DLGAP1: variants seen among roughly 807,000 people sequenced by gnomAD.
The protein encoded by DLGAP1 is DLG associated protein 1.
In DLGAP1, 11 loss-of-function variants were observed where a neutral mutation model predicts 90.8. That is an observed-to-expected ratio of 0.12 (90% CI 0.08 to 0.20). DLGAP1 has a LOEUF of 0.20. Ranked by LOEUF, DLGAP1 falls within the 10% of genes least tolerant of loss-of-function variation. The pLI, the probability that DLGAP1 is intolerant of heterozygous loss-of-function variation, is 1.00. For synonymous variants in DLGAP1, 558 were observed against 540.7 expected (o/e 1.03, Z -0.44); for missense variants, 1,050 against 1,333.8 (o/e 0.79, Z 3.31).
chr18:4,402,078 C>T (rs1302188952), intron 1 of DLGAP1, among the ~76,000 whole-genome samples: 4 of 152,180 alleles, frequency 2.6e-5, no homozygotes, highest in Non-Finnish European at 5.9e-5. Flanking sequence ...TCAGCACTTA[C>T]ACAATCCAAT....
chr18:3,758,863 G>A (rs558303611), intron 5 of DLGAP1, among the ~76,000 whole-genome samples: 205 of 152,170 alleles, frequency 1.3e-3, no homozygotes, highest in Non-Finnish European at 2.6e-3. Context: ...CAAATTTTAC[G>A]TTTTTTGCAA....
chr18:4,376,451 T>C (rs778411746), intron 1 of DLGAP1, among the ~76,000 whole-genome samples: 7 of 152,190 alleles, frequency 4.6e-5, no homozygotes, highest in African/African-American at 7.2e-5. Context: ...TAATGGTTAT[T>C]TGAATTTCAG....
At chr18:3,713,787 C>T (rs942258000) in intron 7 of DLGAP1, among the ~76,000 whole-genome samples, 1 of 152,142 alleles carries the variant, frequency 6.6e-6, no homozygotes, top group African/African-American at 2.4e-5. Flanking sequence ...GAGCCTGGCG[C>T]ACTGCAGATG....
chr18:3,743,752 G>C (rs1271835893), intron 5 of DLGAP1, among the ~76,000 whole-genome samples: 1 of 152,154 alleles, frequency 6.6e-6, no homozygotes, highest in African/African-American at 2.4e-5. Flanking sequence ...CTAGGTTCAA[G>C]CAATTCTCAT....
chr18:3,847,308 T>C lies in DLGAP1; in HGVS notation c.957+31804A>G, dbSNP rs569310078. Among the ~76,000 whole-genome samples the C allele has an allele frequency of 2.6e-5, 4 of 150,994 alleles. No homozygotes were observed. The South Asian group carries it at 8.4e-4, about 32-fold the overall frequency. ...TCTACACAAGGCAGATAGGGAGAGG[T>C]TGGGGAAGAGAAAGGATGACCCCAA... On this transcript the variant is annotated intron_variant, in intron 4 of 12. Coordinates refer to ENST00000315677, the MANE Select transcript of DLGAP1 (RefSeq NM_004746.4).
chr18:3,605,329 T>G (rs1216067755), intron 7 of DLGAP1, among the ~76,000 whole-genome samples: 1 of 152,236 alleles, frequency 6.6e-6, no homozygotes, highest in Non-Finnish European at 1.5e-5. Flanking sequence ...CTAGTTCTCA[T>G]GAGAACACAG....
intron 1 of DLGAP1, among the ~76,000 whole-genome samples, chr18:4,440,278 T>C (rs2083502312): frequency 6.6e-6 from 1 of 152,150 alleles, no homozygotes; most frequent in Non-Finnish European, 1.5e-5. Flanking sequence ...TCATTCATCT[T>C]ATATGATTGT....
chr18:4,199,550 T>C (rs2077568771), intron 1 of DLGAP1, among the ~76,000 whole-genome samples: 1 of 152,232 alleles, frequency 6.6e-6, no homozygotes, highest in Non-Finnish European at 1.5e-5. Context: ...TAATATCTTC[T>C]GGCATATGTG....
intron 1 of DLGAP1, among the ~76,000 whole-genome samples, chr18:4,263,108 A>G (rs2145278512): frequency 6.6e-6 from 1 of 151,956 alleles, no homozygotes; most frequent in East Asian, 1.9e-4. Context: ...TAATTTTTGT[A>G]TTTTTAGTAG....
rs957050677 is a variant in DLGAP1 at position 3,711,561 on chromosome 18, G to A, written c.1591+17574C>T. Among the ~76,000 whole-genome samples, 2 of 152,196 alleles carry A rather than the reference G, an allele frequency of 1.3e-5. No homozygotes were observed. Among genetic ancestry groups the A allele is most frequent in the African/African-American group, 2.4e-5 (1 of 41,456 alleles). ...TGAGGAATAAGACAGAAATCCAGCC[G>A]GGTGTGGTGGCTCATGCTTCTAATG... On this transcript the variant is annotated intron_variant, in intron 7 of 12. Transcript: ENST00000315677. The surrounding 1 kb of genome is among the most constrained non-coding windows in gnomAD (Gnocchi z 4.0).
intron 1 of DLGAP1, among the ~76,000 whole-genome samples, chr18:4,239,117 G>A (rs189334686): frequency 2.6e-5 from 4 of 152,270 alleles, no homozygotes; most frequent in African/African-American, 7.2e-5. Context: ...AGTCTATACC[G>A]TACAGCAGCT....
chr18:3,838,445 T>C (rs1478622827), intron 4 of DLGAP1, among the ~76,000 whole-genome samples: 1 of 152,188 alleles, frequency 6.6e-6, no homozygotes, highest in Non-Finnish European at 1.5e-5. Flanking sequence ...CATTGTCCCT[T>C]GCATACACAA....
At chr18:3,626,588 A>G (rs28670805) in intron 7 of DLGAP1, among the ~76,000 whole-genome samples, 1 of 145,454 alleles carries the variant, frequency 6.9e-6, no homozygotes, top group Non-Finnish European at 1.5e-5. Flanking sequence ...CAGAGCAAGA[A>G]CCTGTTAAAA....
intron 2 of DLGAP1, among the ~76,000 whole-genome samples, chr18:4,072,121 G>A (rs753554156): frequency 1.3e-5 from 2 of 152,102 alleles, no homozygotes; most frequent in Non-Finnish European, 2.9e-5. Context: ...ATATTAAACA[G>A]GTAGCATCGG....
rs2050947800 is a variant in DLGAP1, at chr18:3,517,979, T to C, written c.2480-9318A>G. ...CTTATCATTTGTATGTTCACTTGGG[T>C]AGCACTTTTCATTTCCTTCAAGAAG... On this transcript the variant is annotated intron_variant, in intron 10 of 12. Transcript: ENST00000315677. This position sits in a 1 kb window ranked among gnomAD's most constrained non-coding sequence, Gnocchi z 4.1. Among the ~76,000 whole-genome samples the C allele has an allele frequency of 2.6e-5, 4 of 152,226 alleles. No homozygotes were observed. In the South Asian group the frequency reaches 8.3e-4, roughly 31 times the overall value.
At chr18:3,952,619 A>T (rs1389660270) in intron 3 of DLGAP1, among the ~76,000 whole-genome samples, 2 of 152,246 alleles carry the variant, frequency 1.3e-5, no homozygotes, top group African/African-American at 4.8e-5. Context: ...GGGTAGGAAC[A>T]AAACCATGGT....
intron 7 of DLGAP1, among the ~76,000 whole-genome samples, chr18:3,726,353 T>G (rs192695717): frequency 1.8e-3 from 269 of 152,224 alleles, no homozygotes; most frequent in African/African-American, 6.3e-3. Flanking sequence ...GAAATTATAC[T>G]TGATTCAATG....
At chr18:3,780,942 T>C (rs1186988818) in intron 5 of DLGAP1, among the ~76,000 whole-genome samples, 2 of 152,120 alleles carry the variant, frequency 1.3e-5, no homozygotes, top group Non-Finnish European at 2.9e-5. Context: ...CCCAAGTAGC[T>C]AGGACTACAG....
intron 3 of DLGAP1, among the ~76,000 whole-genome samples, chr18:3,926,453 T>C (rs1192874066): frequency 5.5e-5 from 8 of 146,088 alleles, no homozygotes; most frequent in South Asian, 2.3e-4. Context: ...CACATGCATG[T>C]ATGTATATAT....
Sources: gnomAD v4.1 joint callset for allele counts (sites outside exome capture counted in the v4.1 genomes callset) on GRCh38, gnomAD v4.1.1 for gene constraint, Gnocchi (gnomAD v3.1) non-coding constraint, MANE v1.5 for transcripts, NCBI Gene and HGNC (gene_info 2026-07-23, HGNC 2026-07-21) for gene names.